Variants in GBE1 observed in about 807,000 individuals in gnomAD.
GBE1 encodes 1,4-alpha-glucan branching enzyme 1, also known as 1,4-alpha-glucan-branching enzyme.
GBE1 carries 70 observed loss-of-function variants against 88.8 expected under a neutral mutation model. The observed-to-expected ratio is 0.79, with a 90% CI of 0.65 to 0.96. The LOEUF is 0.96. Ranked by LOEUF, GBE1 falls within the 40% of genes least tolerant of loss-of-function variation. The pLI, the probability that GBE1 is intolerant of heterozygous loss-of-function variation, is 0.00. For missense variants in GBE1, 872 were observed against 871.0 expected, an observed-to-expected ratio of 1.00 and a Z score of -0.01; for synonymous variants, 284 against 300.1, an observed-to-expected ratio of 0.95 and a Z score of 0.56.
At chr3:81,740,143 T>G (rs1706325366) in intron 1 of GBE1, among the ~76,000 whole-genome samples, 1 of 152,106 alleles carries the variant, frequency 6.6e-6, no homozygotes, top group African/African-American at 2.4e-5. Context: ...GAGGATTGAT[T>G]GAGCCTAGGA....
At chr3:81,571,162 C>T (rs1703568712) in intron 12 of GBE1, among the ~76,000 whole-genome samples, 1 of 152,148 alleles carries the variant, frequency 6.6e-6, no homozygotes, top group Non-Finnish European at 1.5e-5. Flanking sequence ...CATCATGTCC[C>T]ATAGCGTTAT....
chr3:81,743,341 G>A (rs1414895772), intron 1 of GBE1, among the ~76,000 whole-genome samples: 1 of 151,988 alleles, frequency 6.6e-6, no homozygotes. Flanking sequence ...TAAAAAGTAT[G>A]AACACTGAAG....
chr3:81,499,306 A>T, intron 14 of GBE1, 79 bp from the exon 15 acceptor site: 1 of 829,664 alleles, frequency 1.2e-6, no homozygotes, highest in Non-Finnish European at 2.1e-6. Context: ...AGCAATTTAG[A>T]AGTGAGTTTT....
intron 14 of GBE1, among the ~76,000 whole-genome samples, chr3:81,514,297 A>C (rs1303873478): frequency 6.6e-6 from 1 of 151,612 alleles, no homozygotes; most frequent in Middle Eastern, 3.2e-3. Context: ...ATGTTCTTGA[A>C]ATAAAATGAT....
intron 10 of GBE1, among the ~76,000 whole-genome samples, chr3:81,585,490 C>T (rs1250367358): frequency 6.6e-6 from 1 of 151,814 alleles, no homozygotes; most frequent in African/African-American, 2.4e-5. Flanking sequence ...TGACTTTAGT[C>T]CTTTAGGCAA....
intron 7 of GBE1, among the ~76,000 whole-genome samples, chr3:81,621,728 G>C (rs1576173415): frequency 6.6e-6 from 1 of 152,226 alleles, no homozygotes; most frequent in Non-Finnish European, 1.5e-5. Context: ...AGTTGAATTT[G>C]ATCCCTAAGG....
intron 7 of GBE1, among the ~76,000 whole-genome samples, chr3:81,605,780 G>A (rs1704094461): frequency 6.6e-6 from 1 of 152,094 alleles, no homozygotes; most frequent in African/African-American, 2.4e-5. Context: ...GTTGTGGTAG[G>A]GAGAAAGAGG....
chr3:81,672,535 C>G (rs1348577869), intron 2 of GBE1, among the ~76,000 whole-genome samples: 1 of 151,836 alleles, frequency 6.6e-6, no homozygotes, highest in East Asian at 1.9e-4. Flanking sequence ...AGATCAAGAA[C>G]TATCAAAACA....
At chr3:81,604,264 T>A (rs1704072490) in intron 7 of GBE1, among the ~76,000 whole-genome samples, 2 of 150,820 alleles carry the variant, frequency 1.3e-5, no homozygotes. Flanking sequence ...ACATAAAATA[T>A]TAACTTTTCT....
chr3:81,677,303 G>T (rs372284822), intron 2 of GBE1, among the ~76,000 whole-genome samples: 1 of 152,106 alleles, frequency 6.6e-6, no homozygotes, highest in Non-Finnish European at 1.5e-5. Flanking sequence ...TGCAATAGGC[G>T]AGGCTAATAT....
At chr3:81,651,170 A>G (rs774191163) in intron 3 of GBE1, among the ~76,000 whole-genome samples, 58 of 152,346 alleles carry the variant, frequency 3.8e-4, no homozygotes, top group Non-Finnish European at 6.2e-4. Flanking sequence ...ATAATGCCTT[A>G]TAGTTTATAA....
intron 6 of GBE1, 117 bp from the exon 7 acceptor site, chr3:81,643,107 G>C (rs1178789017): frequency 1.4e-6 from 1 of 700,466 alleles, no homozygotes; most frequent in Admixed American, 2.9e-5. Flanking sequence ...CAAACAGCAT[G>C]TGACATGATA....
At position 81,733,456 on chromosome 3, in the gene GBE1, C is replaced by G. The variant is rs965073668; in HGVS notation, c.144-27843G>C. ...CATCCCAAAACAATCCCCTGCCCCC[C>G]ATTCATGGAAAAATTGTCTTCCACA... On this transcript the variant is annotated intron_variant, in intron 1 of 15. Coordinates refer to ENST00000429644, the MANE Select transcript of GBE1 (RefSeq NM_000158.4). The surrounding 1 kb of genome is among the most constrained non-coding windows in gnomAD (Gnocchi z 4.0). Among the ~76,000 whole-genome samples, 1 of 152,146 alleles carries G rather than the reference C, an allele frequency of 6.6e-6. No homozygotes were observed. The highest frequency in any genetic ancestry group is 2.4e-5 in the African/African-American group (1 of 41,424).
intron 1 of GBE1, among the ~76,000 whole-genome samples, chr3:81,752,506 G>A (rs530320525): frequency 6.6e-6 from 1 of 152,140 alleles, no homozygotes; most frequent in African/African-American, 2.4e-5. Flanking sequence ...AGAAAAGGAA[G>A]ATCAAGAGAA....
intron 7 of GBE1, among the ~76,000 whole-genome samples, chr3:81,633,084 C>T (rs1022688233): frequency 2.6e-5 from 4 of 152,048 alleles, no homozygotes; most frequent in East Asian, 1.9e-4. Context: ...GATACAACAA[C>T]GAACAAATAT....
chr3:81,761,378 C>G lies in GBE1; in HGVS notation c.140G>C (p.Arg47Pro), dbSNP rs564039983. Residue 47 changes from arginine to proline, a missense_variant, in exon 1 of 16, where the codon CGC becomes CCC. Coordinates refer to ENST00000429644, the MANE Select transcript of GBE1 (RefSeq NM_000158.4). ...YLKPYAVDFQ[R>P]RYKQFSQILK... The stretch of plus-strand genomic sequence containing the variant: ...GGTGGTGGGATTCCGGCGGTACCTG[C>G]GCTGGAAGTCCACGGCGTAGGGCTT... 1 of 1,607,000 alleles carries G rather than the reference C, an allele frequency of 6.2e-7. No individual in the cohort carries two copies. The highest frequency in any genetic ancestry group is 2.3e-5 in the East Asian group (1 of 44,318).
intron 2 of GBE1, among the ~76,000 whole-genome samples, chr3:81,686,026 T>C (rs567312057): frequency 6.6e-6 from 1 of 152,196 alleles, no homozygotes; most frequent in Non-Finnish European, 1.5e-5. Context: ...TTCACTGGCA[T>C]TGGAAACTCC....
intron 2 of GBE1, among the ~76,000 whole-genome samples, chr3:81,682,560 C>T (rs1705365497): frequency 2.6e-5 from 4 of 152,152 alleles, no homozygotes; most frequent in Admixed American, 2.6e-4. Context: ...ATCAAAACCA[C>T]AATGAGATAC....
intron 12 of GBE1, among the ~76,000 whole-genome samples, chr3:81,555,744 T>C (rs569409303): frequency 6.6e-6 from 1 of 152,276 alleles, no homozygotes; most frequent in South Asian, 2.1e-4. Context: ...CCTACAGAAA[T>C]TCTGTCCATT....
Sources: gnomAD v4.1 joint callset for allele counts (sites outside exome capture counted in the v4.1 genomes callset) on GRCh38, gnomAD v4.1.1 for gene constraint, Gnocchi (gnomAD v3.1) non-coding constraint, MANE v1.5 for transcripts, NCBI Gene and HGNC (gene_info 2026-07-23, HGNC 2026-07-21) for gene names.